KLHL14: variants seen among roughly 807,000 people sequenced by gnomAD.
KLHL14 encodes the protein kelch-like protein 14.
A neutral mutation model predicts 64.3 loss-of-function variants in KLHL14; 22 were observed. That is an observed-to-expected ratio of 0.34 (90% CI 0.24 to 0.49). The LOEUF (loss-of-function observed/expected upper bound fraction) is 0.49. Ranked by LOEUF, KLHL14 falls within the 20% of genes least tolerant of loss-of-function variation. The pLI is 0.99. For missense variants in KLHL14, 661 were observed against 789.0 expected, an observed-to-expected ratio of 0.84 and a Z score of 1.94; for synonymous variants, 322 against 333.4, an observed-to-expected ratio of 0.97 and a Z score of 0.37.
chr18:32,696,020 G>A (rs1043598667), intron 3 of KLHL14, among the ~76,000 whole-genome samples: 9 of 152,086 alleles, frequency 5.9e-5, no homozygotes, highest in African/African-American at 1.4e-4. Context: ...GTGCTTGGTC[G>A]CTTTCTATTC....
intron 3 of KLHL14, among the ~76,000 whole-genome samples, chr18:32,730,841 T>TA (rs1353214758): frequency 6.6e-6 from 1 of 152,168 alleles, no homozygotes; most frequent in Non-Finnish European, 1.5e-5. Flanking sequence ...CTCAATGTTT[T>TA]AAAAAAATAA....
intron 8 of KLHL14, among the ~76,000 whole-genome samples, chr18:32,676,901 G>C (rs895725006): frequency 2.0e-5 from 3 of 152,082 alleles, no homozygotes; most frequent in Non-Finnish European, 4.4e-5. Flanking sequence ...AATCACCTCA[G>C]TTTGACTTTC....
intron 3 of KLHL14, among the ~76,000 whole-genome samples, chr18:32,724,659 A>C (rs538825168): frequency 6.6e-6 from 1 of 152,190 alleles, no homozygotes; most frequent in Admixed American, 6.5e-5. Context: ...ACAGAGCACA[A>C]TGTCTTGTGT....
At chr18:32,763,091 CA>C (rs1330541976) in intron 2 of KLHL14, among the ~76,000 whole-genome samples, 1 of 144,258 alleles carries the variant, frequency 6.9e-6, no homozygotes, top group African/African-American at 2.5e-5. Context: ...ACTTTTGGTT[CA>C]AATTCAAGCT....
intron 7 of KLHL14, among the ~76,000 whole-genome samples, 173 bp from the exon 8 acceptor site, chr18:32,677,503 C>T (rs566361492): frequency 4.6e-5 from 7 of 152,240 alleles, no homozygotes; most frequent in Admixed American, 2.6e-4. Context: ...ACCTAGAAAA[C>T]CCCAAAGAAA....
At chr18:32,756,762 A>G (rs1341961728) in intron 2 of KLHL14, among the ~76,000 whole-genome samples, 4 of 152,318 alleles carry the variant, frequency 2.6e-5, no homozygotes, top group Admixed American at 1.3e-4. Context: ...AACAATGCCA[A>G]TTGAAGTTTG....
chr18:32,767,730 T>TACAGGTTCATACCTGTTAGATAAC (rs2050354341), intron 2 of KLHL14, among the ~76,000 whole-genome samples: 2 of 152,246 alleles, frequency 1.3e-5, no homozygotes. Context: ...CATTGAACCT[T>TACAGGTTCATACCTGTTAGATAAC]AGGACATACC....
rs1429268328 is a variant in KLHL14, at chr18:32,770,956, A to G, written c.-43-322T>C. 9.0e-6 allele frequency: 4 copies of G among 446,448 alleles called. No individual in the cohort carries two copies. The highest frequency in any genetic ancestry group is 1.8e-5 in the Non-Finnish European group (4 of 227,342). The allele number at this position is 446,448 out of a possible 1,614,324, so 27.7% of individuals were successfully genotyped here. A position where few individuals can be genotyped will look rare whatever the true frequency, so the allele number is the denominator to read the frequency against. On this transcript the variant is annotated intron_variant, in intron 1 of 8. Transcript: ENST00000359358. The surrounding 1 kb of genome is among the most constrained non-coding windows in gnomAD (Gnocchi z 6.7). ...CACCTCAGCTCGGCTGTTGGCAGCA[A>G]CAGCAGTGGCAGCAGCGACGGCAAA...
At chr18:32,681,841 C>T (rs948342417) in intron 5 of KLHL14, among the ~76,000 whole-genome samples, 86 of 152,054 alleles carry the variant, frequency 5.7e-4, no homozygotes, top group Middle Eastern at 3.2e-3. Context: ...GTATATAGCA[C>T]GGTGATTAAC....
chr18:32,684,559 G>A (rs370678897), intron 5 of KLHL14, among the ~76,000 whole-genome samples: 1 of 152,078 alleles, frequency 6.6e-6, no homozygotes, highest in Non-Finnish European at 1.5e-5. Flanking sequence ...ATTCAAAATA[G>A]CAAGTATAGC....
chr18:32,754,691 C>G (rs917370013), intron 2 of KLHL14, among the ~76,000 whole-genome samples: 1 of 152,194 alleles, frequency 6.6e-6, no homozygotes, highest in African/African-American at 2.4e-5. Flanking sequence ...CTGGAGCCAG[C>G]CTCCTGCCAA....
chr18:32,734,209 C>T, intron 3 of KLHL14: 1 of 702,882 alleles, frequency 1.4e-6, no homozygotes. Flanking sequence ...TGAGCTTGCA[C>T]TTTCCTGCTT....
At chr18:32,733,365 CAGAG>C (rs1359252897) in intron 3 of KLHL14, among the ~76,000 whole-genome samples, 30 of 142,534 alleles carry the variant, frequency 2.1e-4, no homozygotes, top group Admixed American at 9.2e-4. Context: ...GTGAGAGAGA[CAGAG>C]AGAGAGAAAG....
rs2049886763 is a variant in KLHL14, at chr18:32,687,789, C to T, written c.1160-556G>A. ...AAAGGTATAGAGATTTCCCACGTGT[C>T]CCCAGCCCTCACATGTGCATGGCCT... On this transcript the variant is annotated intron_variant, in intron 4 of 8. Coordinates refer to ENST00000359358, the MANE Select transcript of KLHL14 (RefSeq NM_020805.3). 2.0e-5 allele frequency among the ~76,000 whole-genome samples: 3 copies of T among 152,258 alleles called. No individual in the cohort carries two copies. The South Asian group carries it at 6.2e-4, about 32-fold the overall frequency.
intron 3 of KLHL14, among the ~76,000 whole-genome samples, chr18:32,715,892 A>G (rs2050042921): frequency 6.6e-6 from 1 of 152,306 alleles, no homozygotes; most frequent in East Asian, 1.9e-4. Context: ...CCTTGAGCTG[A>G]GAAGAGCTGC....
At chr18:32,721,851 T>C (rs1312963341) in intron 3 of KLHL14, among the ~76,000 whole-genome samples, 3 of 152,152 alleles carry the variant, frequency 2.0e-5, no homozygotes. Context: ...CCACATGACC[T>C]AAAAATTGTG....
At chr18:32,716,342 A>C (rs1256973935) in intron 3 of KLHL14, among the ~76,000 whole-genome samples, 4 of 152,196 alleles carry the variant, frequency 2.6e-5, no homozygotes, top group African/African-American at 9.6e-5. Context: ...TGTAAAAAAA[A>C]CAGTGGCTTT....
At chr18:32,693,413 C>CACACACACACACACACACACAG (rs1229737083) in intron 4 of KLHL14, among the ~76,000 whole-genome samples, 3 of 97,036 alleles carry the variant, frequency 3.1e-5, no homozygotes, top group African/African-American at 1.5e-4. Context: ...CACACACACA[C>CACACACACACACACACACACAG]AGAGAGAGAG....
intron 3 of KLHL14, among the ~76,000 whole-genome samples, chr18:32,711,587 A>G (rs9963102): frequency 0.3 from 44,893 of 152,062 alleles, 6,913 homozygotes; most frequent in African/African-American, 0.37. Flanking sequence ...ACAAGTTTGA[A>G]TCACAATTTA....
Sources: allele counts gnomAD v4.1 joint callset (sites outside exome capture counted in the v4.1 genomes callset), GRCh38; gene constraint gnomAD v4.1.1; non-coding constraint Gnocchi (gnomAD v3.1); transcripts MANE v1.5; gene names NCBI Gene and HGNC (gene_info 2026-07-23, HGNC 2026-07-21).